Variants in WDR72 observed in about 807,000 individuals in gnomAD.
WDR72 encodes WD repeat domain 72, also known as WD repeat-containing protein 72.
WDR72 carries 120 observed loss-of-function variants against 124.2 expected under a neutral mutation model. That is an observed-to-expected ratio of 0.97 (90% CI 0.83 to 1.12). The LOEUF (loss-of-function observed/expected upper bound fraction) is 1.12. Ranked by LOEUF, WDR72 falls within the 50% of genes most tolerant of loss-of-function variation. The probability of loss-of-function intolerance (pLI) is 0.00; values close to 1 mark genes in which losing one functional copy is unlikely to be tolerated. For missense variants in WDR72, 1,387 were observed against 1,278.8 expected (o/e 1.08, Z -1.29); for synonymous variants, 452 against 441.7 (o/e 1.02, Z -0.29).
At chr15:53,737,831 T>C (rs971541716) in intron 1 of WDR72, among the ~76,000 whole-genome samples, 3 of 152,136 alleles carry the variant, frequency 2.0e-5, no homozygotes, top group Admixed American at 6.5e-5. Flanking sequence ...GATTCCTGCA[T>C]CTAGGAATTA....
chr15:53,600,344 G>A (rs909237161), intron 17 of WDR72, among the ~76,000 whole-genome samples: 6 of 152,094 alleles, frequency 3.9e-5, no homozygotes, highest in African/African-American at 1.4e-4. Flanking sequence ...ATATAACTTT[G>A]TAATTTTAAT....
intron 16 of WDR72, among the ~76,000 whole-genome samples, chr15:53,612,470 G>A (rs1359756608): frequency 6.6e-6 from 1 of 152,024 alleles, no homozygotes; most frequent in African/African-American, 2.4e-5. Context: ...TGGAGGGTGA[G>A]CAGGTTGAGC....
intron 18 of WDR72, among the ~76,000 whole-genome samples, chr15:53,561,425 C>T (rs1489202556): frequency 6.6e-6 from 1 of 151,696 alleles, no homozygotes; most frequent in Non-Finnish European, 1.5e-5. Flanking sequence ...TTTTACTTTG[C>T]TTAAAGCCGT....
intron 18 of WDR72, among the ~76,000 whole-genome samples, chr15:53,543,770 G>A (rs1396940109): frequency 2.0e-5 from 3 of 152,176 alleles, no homozygotes; most frequent in African/African-American, 7.2e-5. Context: ...GAAAAAAAGA[G>A]AGAAGAATCT....
chr15:53,542,847 G>T (rs1284764890), intron 18 of WDR72, among the ~76,000 whole-genome samples: 6 of 97,836 alleles, frequency 6.1e-5, no homozygotes, highest in Non-Finnish European at 1.2e-4. Context: ...TGCAATCCTA[G>T]TCTCTGATAA....
chr15:53,758,035 T>C (rs920767308), intron 1 of WDR72, among the ~76,000 whole-genome samples: 2 of 151,976 alleles, frequency 1.3e-5, no homozygotes, highest in Non-Finnish European at 2.9e-5. Flanking sequence ...AGGGTCTTTC[T>C]CCGTCACCTA....
chr15:53,652,958 T>A (rs1481203237), intron 14 of WDR72, among the ~76,000 whole-genome samples: 2 of 152,188 alleles, frequency 1.3e-5, no homozygotes, highest in African/African-American at 4.8e-5. Flanking sequence ...TGTCTAAATA[T>A]CAGTGGAGGC....
intron 19 of WDR72, among the ~76,000 whole-genome samples, chr15:53,520,881 G>A (rs768286988): frequency 3.3e-5 from 5 of 152,064 alleles, no homozygotes; most frequent in Non-Finnish European, 4.4e-5. Flanking sequence ...TTTGCCCATC[G>A]AATACTCATG....
At chr15:53,583,524 G>A (rs144833651) in intron 18 of WDR72, among the ~76,000 whole-genome samples, 1 of 151,986 alleles carries the variant, frequency 6.6e-6, no homozygotes, top group African/African-American at 2.4e-5. Flanking sequence ...GGTGTCTGAT[G>A]TTACCACCTG....
At chr15:53,520,849 C>T (rs1419448658) in intron 19 of WDR72, among the ~76,000 whole-genome samples, 1 of 152,042 alleles carries the variant, frequency 6.6e-6, no homozygotes, top group African/African-American at 2.4e-5. Flanking sequence ...ACTTATTTTC[C>T]TCCATGTTCA....
intron 1 of WDR72, among the ~76,000 whole-genome samples, chr15:53,753,837 A>T (rs949759250): frequency 1.6e-4 from 24 of 152,288 alleles, no homozygotes; most frequent in African/African-American, 5.8e-4. Context: ...CATTTTCTCA[A>T]GTAATCCACA....
At chr15:53,519,860 C>T (rs748673677) in intron 19 of WDR72, among the ~76,000 whole-genome samples, 1 of 151,982 alleles carries the variant, frequency 6.6e-6, no homozygotes, top group Non-Finnish European at 1.5e-5. Context: ...AATGGGTCAT[C>T]CTAGTCAATT....
At chr15:53,600,122 T>A (rs2012978257) in intron 17 of WDR72, among the ~76,000 whole-genome samples, 1 of 152,140 alleles carries the variant, frequency 6.6e-6, no homozygotes, top group African/African-American at 2.4e-5. Context: ...TATTATAGTA[T>A]CTGGAATAGA....
At chr15:53,531,582 T>G (rs182099974) in intron 18 of WDR72, among the ~76,000 whole-genome samples, 1 of 152,180 alleles carries the variant, frequency 6.6e-6, no homozygotes, top group Admixed American at 6.6e-5. Context: ...TAGTAGAGTT[T>G]CATTTGATAT....
At chr15:53,680,101 A>C (rs2016326246) in intron 13 of WDR72, among the ~76,000 whole-genome samples, 1 of 152,216 alleles carries the variant, frequency 6.6e-6, no homozygotes, top group Non-Finnish European at 1.5e-5. Context: ...ATGTAGGCCT[A>C]TACTCCAAAT....
chr15:53,679,952 A>AAAAAAG (rs1555422867), intron 13 of WDR72, among the ~76,000 whole-genome samples: 9,202 of 151,294 alleles, frequency 0.061, 1,000 homozygotes, highest in African/African-American at 0.21. Flanking sequence ...AGCAAAAAAA[A>AAAAAAG]AAAGAAAAGG....
chr15:53,711,525 G>A, intron 7 of WDR72, 44 bp from the exon 8 acceptor site: 8 of 1,596,280 alleles, frequency 5.0e-6, no homozygotes, highest in Non-Finnish European at 6.9e-6. Context: ...CTTAAATCTA[G>A]TCTGCCAATA....
intron 3 of WDR72, among the ~76,000 whole-genome samples, chr15:53,720,441 C>G (rs1045788454): frequency 1.3e-5 from 2 of 152,198 alleles, no homozygotes; most frequent in Admixed American, 1.3e-4. Context: ...CATCTCAAAT[C>G]TTCCTTCTGA....
chr15:53,756,092 T>G (rs2018896442), intron 1 of WDR72, among the ~76,000 whole-genome samples: 1 of 152,192 alleles, frequency 6.6e-6, no homozygotes, highest in African/African-American at 2.4e-5. Context: ...GCTAATATGG[T>G]TTGGCTTCAT....
Sources: allele counts gnomAD v4.1 joint callset (sites outside exome capture counted in the v4.1 genomes callset), GRCh38; gene constraint gnomAD v4.1.1; transcripts MANE v1.5; gene names NCBI Gene and HGNC (gene_info 2026-07-23, HGNC 2026-07-21).